Variants in BCKDHB observed in about 807,000 individuals in gnomAD.
The protein encoded by BCKDHB is branched chain keto acid dehydrogenase E1 subunit beta.
In BCKDHB, 41 loss-of-function variants were observed where a neutral mutation model predicts 48.5. The observed-to-expected ratio is 0.85, with a 90% confidence interval of 0.66 to 1.10. BCKDHB has a LOEUF of 1.10. Among genes scored for constraint, BCKDHB ranks in the 50% least tolerant of loss-of-function variants. The pLI, the probability that BCKDHB is intolerant of heterozygous loss-of-function variation, is 0.00. For synonymous variants in BCKDHB, 201 were observed against 174.8 expected (o/e 1.15, Z -1.18); for missense variants, 496 against 494.2 (o/e 1.00, Z -0.03).
the BCKDHB span, among the ~76,000 whole-genome samples, chr6:80,391,289 C>T: frequency 6.6e-6 from 1 of 151,884 alleles, no homozygotes; most frequent in South Asian, 2.1e-4. Flanking sequence ...CATCATAATC[C>T]CCAGAACCTG....
At chr6:80,189,166 T>C (rs529043958) in intron 6 of BCKDHB, among the ~76,000 whole-genome samples, 8 of 152,316 alleles carry the variant, frequency 5.3e-5, no homozygotes, top group African/African-American at 1.9e-4. Flanking sequence ...AGAGCTAAAA[T>C]AAAATTCTAT....
intron 5 of BCKDHB, chr6:80,169,730 A>G (rs1772796807): frequency 7.4e-7 from 1 of 1,342,842 alleles, no homozygotes; most frequent in East Asian, 2.4e-5. Flanking sequence ...AGAGATGTAT[A>G]TTTGTTTTTT....
intron 3 of BCKDHB, among the ~76,000 whole-genome samples, chr6:80,149,468 G>T (rs1771651996): frequency 6.6e-6 from 1 of 152,014 alleles, no homozygotes; most frequent in African/African-American, 2.4e-5. Context: ...CCCATTACTG[G>T]GTATATACCC....
intron 9 of BCKDHB, among the ~76,000 whole-genome samples, chr6:80,342,142 C>T (rs910329130): frequency 1.3e-5 from 2 of 151,970 alleles, no homozygotes; most frequent in Non-Finnish European, 2.9e-5. Context: ...CTTTCTGCCC[C>T]AATACACTTG....
chr6:80,273,811 G>A (rs1439649956), intron 9 of BCKDHB, among the ~76,000 whole-genome samples: 1 of 151,718 alleles, frequency 6.6e-6, no homozygotes, highest in African/African-American at 2.4e-5. Flanking sequence ...CACATATCAG[G>A]AAAAAATTTT....
intron 1 of BCKDHB, among the ~76,000 whole-genome samples, chr6:80,116,844 T>C (rs1339238457): frequency 6.6e-6 from 1 of 152,252 alleles, no homozygotes; most frequent in African/African-American, 2.4e-5. Flanking sequence ...AAATTTTTAG[T>C]GATGTATATA....
At chr6:80,442,511 A>T in the BCKDHB span, among the ~76,000 whole-genome samples, 1 of 152,182 alleles carries the variant, frequency 6.6e-6, no homozygotes, top group Non-Finnish European at 1.5e-5. Context: ...CACCACATGT[A>T]TAGAAGAGAC....
intron 8 of BCKDHB, among the ~76,000 whole-genome samples, chr6:80,232,253 A>G (rs1176983158): frequency 2.0e-5 from 3 of 151,372 alleles, no homozygotes; most frequent in Admixed American, 1.3e-4. Context: ...TGTTTAGTCT[A>G]ATGCACTATA....
chr6:80,381,606 A>G, the BCKDHB span, among the ~76,000 whole-genome samples: 1 of 152,080 alleles, frequency 6.6e-6, no homozygotes, highest in Non-Finnish European at 1.5e-5. Context: ...GTCATTTTTC[A>G]GTAGCATATT....
chr6:80,374,860 C>T, the BCKDHB span, among the ~76,000 whole-genome samples: 1 of 152,128 alleles, frequency 6.6e-6, no homozygotes, highest in African/African-American at 2.4e-5. Flanking sequence ...GGTGAATTCT[C>T]CCAGCATTTG....
the BCKDHB span, among the ~76,000 whole-genome samples, chr6:80,359,593 T>C: frequency 5.5e-5 from 7 of 127,894 alleles, no homozygotes; most frequent in African/African-American, 1.7e-4. Context: ...TTTCTTATTG[T>C]TGTTGTTTGT....
intron 3 of BCKDHB, among the ~76,000 whole-genome samples, chr6:80,164,862 A>T (rs946035927): frequency 6.6e-6 from 1 of 152,192 alleles, no homozygotes; most frequent in Non-Finnish European, 1.5e-5. Context: ...GCATTATAAG[A>T]TAGAGGAAGT....
At chr6:80,159,287 T>TA (rs5877698) in intron 3 of BCKDHB, among the ~76,000 whole-genome samples, 55,691 of 151,592 alleles carry the variant, frequency 0.37, 12,243 homozygotes, top group Admixed American at 0.56. Flanking sequence ...ACTTAAAGTA[T>TA]AAAAAAACCC....
chr6:80,422,360 G>T, the BCKDHB span, among the ~76,000 whole-genome samples: 1 of 152,196 alleles, frequency 6.6e-6, no homozygotes, highest in Admixed American at 6.5e-5. Context: ...GAAGTCTGTT[G>T]CAGGAGTGGG....
chr6:80,156,004 G>A (rs1163041711), intron 3 of BCKDHB, among the ~76,000 whole-genome samples: 2 of 151,612 alleles, frequency 1.3e-5, no homozygotes, highest in African/African-American at 4.8e-5. Flanking sequence ...CCCCAACTTA[G>A]TCTTAAGTAG....
chr6:80,208,016 C>A (rs916465272), intron 8 of BCKDHB, among the ~76,000 whole-genome samples: 1 of 151,696 alleles, frequency 6.6e-6, no homozygotes. Context: ...GTAAAGTTGT[C>A]CTAATTGTGC....
intron 1 of BCKDHB, among the ~76,000 whole-genome samples, chr6:80,112,629 C>G (rs1202419033): frequency 6.6e-6 from 1 of 152,198 alleles, no homozygotes; most frequent in Non-Finnish European, 1.5e-5. Flanking sequence ...ACAAACAAGC[C>G]CCAAGAGTGT....
Position 80,343,828 on chromosome 6 carries a change from G to C in BCKDHB, c.*24G>C. ...GACCATATAGGTAGGTATGCATCTT[G>C]AGAAAGCTACTATGTGCCCCTGACA... On this transcript the variant is annotated 3_prime_UTR_variant, in exon 10 of 10. Transcript: ENST00000320393. 16 of 1,613,150 alleles carry C rather than the reference G, an allele frequency of 9.9e-6. No homozygotes were observed. The highest frequency in any genetic ancestry group is 1.4e-5 in the Non-Finnish European group (16 of 1,179,246).
chr6:80,234,976 C>A (rs1562161170), intron 8 of BCKDHB, among the ~76,000 whole-genome samples: 1 of 152,032 alleles, frequency 6.6e-6, no homozygotes, highest in Non-Finnish European at 1.5e-5. Flanking sequence ...TCTTATGGAG[C>A]TAGTGAGCAG....
Sources: gnomAD v4.1 joint callset for allele counts (sites outside exome capture counted in the v4.1 genomes callset) on GRCh38, gnomAD v4.1.1 for gene constraint, MANE v1.5 for transcripts, NCBI Gene and HGNC (gene_info 2026-07-23, HGNC 2026-07-21) for gene names.